Variants in ADAMTS19 observed in about 807,000 individuals in gnomAD.
The protein encoded by ADAMTS19 is A disintegrin and metalloproteinase with thrombospondin motifs 19.
Under a neutral mutation model 153.3 loss-of-function variants are expected in ADAMTS19, and 93 were observed. The ratio of observed to expected loss-of-function variants is 0.61; its 90% CI spans 0.51 to 0.72. The LOEUF is 0.72. Among genes scored for constraint, ADAMTS19 ranks in the 30% least tolerant of loss-of-function variants. ADAMTS19 has a pLI of 0.00. For synonymous variants in ADAMTS19, 600 were observed against 556.6 expected, an observed-to-expected ratio of 1.08 and a Z score of -1.10; for missense variants, 1,482 against 1,552.1, an observed-to-expected ratio of 0.95 and a Z score of 0.76.
At chr5:129,728,408 A>C (rs576935346) in intron 21 of ADAMTS19, among the ~76,000 whole-genome samples, 3 of 152,278 alleles carry the variant, frequency 2.0e-5, no homozygotes, top group Non-Finnish European at 4.4e-5. Flanking sequence ...CATGTACACA[A>C]CGTGCAGGTT....
At chr5:129,594,032 T>C (rs1750263416) in intron 7 of ADAMTS19, among the ~76,000 whole-genome samples, 1 of 152,198 alleles carries the variant, frequency 6.6e-6, no homozygotes, top group Non-Finnish European at 1.5e-5. Context: ...GTTAGTAAGG[T>C]ATTCTATGAA....
rs114194425 is a variant in ADAMTS19, at chr5:129,729,905, T to C, written c.3313-5027T>C. Among the ~76,000 whole-genome samples, 528 of 152,158 alleles carry C rather than the reference T, an allele frequency of 3.5e-3. 3 individuals carry two copies. The highest frequency in any genetic ancestry group is 0.012 in the African/African-American group (504 of 41,558). ...AGTCTGTGACTAATTATGGGCCTCT[T>C]TGAAATATCGAGAACCTTCTTTATC... On this transcript the variant is annotated intron_variant, in intron 21 of 22. Transcript: ENST00000274487.
intron 18 of ADAMTS19, among the ~76,000 whole-genome samples, chr5:129,686,848 C>T (rs1755116107): frequency 6.6e-6 from 1 of 152,092 alleles, no homozygotes; most frequent in Non-Finnish European, 1.5e-5. Context: ...TCAAATCGCT[C>T]TCTCAATTTA....
chr5:129,657,841 G>T (rs1420888645), intron 14 of ADAMTS19, among the ~76,000 whole-genome samples: 1 of 152,192 alleles, frequency 6.6e-6, no homozygotes, highest in East Asian at 1.9e-4. Flanking sequence ...ATATAGTGAA[G>T]TATATCTGTT....
chr5:129,548,490 C>T (rs2126814179), intron 6 of ADAMTS19, among the ~76,000 whole-genome samples: 1 of 152,158 alleles, frequency 6.6e-6, no homozygotes, highest in Non-Finnish European at 1.5e-5. Flanking sequence ...CATCTGACAC[C>T]AGTTAGAATG....
intron 1 of ADAMTS19, 138 bp downstream of exon 1, chr5:129,460,620 G>A: frequency 1.1e-6 from 1 of 896,452 alleles, no homozygotes; most frequent in Non-Finnish European, 1.8e-6. Flanking sequence ...AGCTTGAGGT[G>A]CAGGTTAAGG....
intron 22 of ADAMTS19, among the ~76,000 whole-genome samples, chr5:129,736,324 A>T (rs1757663968): frequency 6.6e-6 from 1 of 152,094 alleles, no homozygotes; most frequent in South Asian, 2.1e-4. Context: ...AATGGTTAGG[A>T]AAATCTAAGG....
In ADAMTS19 at chr5:129,460,362, G is replaced by A. The variant is rs80101273; in HGVS notation, c.-30G>A. 1,427 of 1,596,224 alleles carry A rather than the reference G, an allele frequency of 8.9e-4. 19 individuals carry two copies. In the African/African-American group the frequency reaches 0.017, roughly 20 times the overall value. ...TGGATCGCGCTGGAGGCGTGCGCCG[G>A]GCGAGAAGCCGCGGCCGCGGGAGCG... On this transcript the variant is annotated 5_prime_UTR_variant, in exon 1 of 23. Coordinates refer to ENST00000274487, the MANE Select transcript of ADAMTS19 (RefSeq NM_133638.6).
At chr5:129,621,074 A>G (rs1211995126) in intron 9 of ADAMTS19, among the ~76,000 whole-genome samples, 2 of 152,176 alleles carry the variant, frequency 1.3e-5, no homozygotes, top group African/African-American at 2.4e-5. Flanking sequence ...AAATATTCAC[A>G]CTGTTCATCA....
At chr5:129,486,248 A>G (rs532129614) in intron 2 of ADAMTS19, among the ~76,000 whole-genome samples, 7 of 152,330 alleles carry the variant, frequency 4.6e-5, no homozygotes, top group African/African-American at 1.7e-4. Flanking sequence ...TTATGAGGCC[A>G]GAATTATTCT....
intron 7 of ADAMTS19, among the ~76,000 whole-genome samples, chr5:129,586,803 T>C (rs1749822760): frequency 6.6e-6 from 1 of 152,222 alleles, no homozygotes; most frequent in Non-Finnish European, 1.5e-5. Context: ...CTCCACATTC[T>C]CTTCAGCATG....
chr5:129,712,479 A>G (rs1756527586), intron 21 of ADAMTS19, among the ~76,000 whole-genome samples: 1 of 152,228 alleles, frequency 6.6e-6, no homozygotes, highest in Non-Finnish European at 1.5e-5. Flanking sequence ...AGTACTTACA[A>G]AACTTGCTAC....
intron 2 of ADAMTS19, among the ~76,000 whole-genome samples, chr5:129,462,694 A>T (rs906324762): frequency 5.3e-5 from 8 of 152,178 alleles, no homozygotes; most frequent in African/African-American, 1.9e-4. Flanking sequence ...CATTAAGTAC[A>T]TTCACGTTGT....
chr5:129,671,313 A>G (rs17839590), intron 16 of ADAMTS19, among the ~76,000 whole-genome samples: 2,140 of 152,274 alleles, frequency 0.014, 37 homozygotes, highest in African/African-American at 0.043. Flanking sequence ...TAAAAATTCA[A>G]GGATGACTTC....
chr5:129,526,375 T>C lies in ADAMTS19; in HGVS notation c.1005T>C (p.Thr335=). ...TACCTCAAGAATACAACATAGAGAC[T>C]GTAGTGGTTGCAGACCCAGCAATGG... The part of the protein sequence containing the change: ...YKLPQEYNIE[T]VVVADPAMVS... Residue 335 remains threonine, a synonymous_variant, in exon 4 of 23, where the codon ACT becomes ACC. Transcript: ENST00000274487. 6.2e-7 allele frequency: 1 copy of C among 1,605,360 alleles called. No individual in the cohort carries two copies. The highest frequency in any genetic ancestry group is 1.7e-4 in the Middle Eastern group (1 of 6,046).
chr5:129,672,660 G>A (rs137873707), intron 16 of ADAMTS19, among the ~76,000 whole-genome samples: 7 of 152,274 alleles, frequency 4.6e-5, no homozygotes, highest in Non-Finnish European at 1.0e-4. Flanking sequence ...AGTACTAAGT[G>A]GAAGTAGAAA....
chr5:129,614,002 T>C (rs6876511), intron 8 of ADAMTS19, among the ~76,000 whole-genome samples: 13,053 of 152,182 alleles, frequency 0.086, 633 homozygotes, highest in Middle Eastern at 0.16. Context: ...GTTGAATCTC[T>C]GAATAGACCA....
chr5:129,708,292 C>T (rs897999982), intron 21 of ADAMTS19, among the ~76,000 whole-genome samples: 1 of 152,116 alleles, frequency 6.6e-6, no homozygotes, highest in Non-Finnish European at 1.5e-5. Context: ...GGCTGCTTTG[C>T]CCTGGCTTGC....
At chr5:129,578,868 T>A (rs2126880729) in intron 7 of ADAMTS19, among the ~76,000 whole-genome samples, 1 of 152,330 alleles carries the variant, frequency 6.6e-6, no homozygotes, top group East Asian at 1.9e-4. Context: ...TGGTTCCAAG[T>A]CTTTGCTACT....
Sources: allele counts gnomAD v4.1 joint callset (sites outside exome capture counted in the v4.1 genomes callset), GRCh38; gene constraint gnomAD v4.1.1; transcripts MANE v1.5; gene names NCBI Gene and HGNC (gene_info 2026-07-23, HGNC 2026-07-21).